The following CLYBL variants were observed in gnomAD, a reference collection of about 807,000 sequenced individuals.
The protein encoded by CLYBL is citramalyl-CoA lyase, mitochondrial.
A neutral mutation model predicts 38.9 loss-of-function variants in CLYBL; 31 were observed. The ratio of observed to expected loss-of-function variants is 0.80; its 90% CI spans 0.60 to 1.08. CLYBL has a LOEUF of 1.08. Ranked by LOEUF, CLYBL falls within the 50% of genes least tolerant of loss-of-function variation. CLYBL has a pLI of 0.00. For synonymous variants in CLYBL, 171 were observed against 158.6 expected (o/e 1.08, Z -0.59); for missense variants, 434 against 411.6 (o/e 1.05, Z -0.47).
chr13:99,901,432 C>T (rs987876214), downstream of CLYBL, among the ~76,000 whole-genome samples: 4 of 151,930 alleles, frequency 2.6e-5, no homozygotes, highest in East Asian at 3.9e-4. Context: ...CAGGACATTC[C>T]GCAATCCTTC....
intron 1 of CLYBL, among the ~76,000 whole-genome samples, chr13:99,747,217 C>T (rs115395917): frequency 0.012 from 1,735 of 146,014 alleles, 40 homozygotes; most frequent in African/African-American, 0.042. Flanking sequence ...CTCTCCCCCC[C>T]GCCCCACCCC....
At chr13:99,881,854 G>A (rs1334008985) in intron 7 of CLYBL, among the ~76,000 whole-genome samples, 1 of 152,150 alleles carries the variant, frequency 6.6e-6, no homozygotes, top group Non-Finnish European at 1.5e-5. Context: ...GACTTAAAAT[G>A]TCACTCATAT....
At chr13:99,741,843 C>T (rs1350612678) in intron 1 of CLYBL, among the ~76,000 whole-genome samples, 1 of 152,164 alleles carries the variant, frequency 6.6e-6, no homozygotes, top group Non-Finnish European at 1.5e-5. Flanking sequence ...CAGAGTTTTA[C>T]AATGAGAGCT....
At position 99,638,267 on chromosome 13, in the gene CLYBL, T is replaced by C. The variant is rs1594095587; in HGVS notation, c.62+31510T>C. Among the ~76,000 whole-genome samples, 4 of 152,332 alleles carry C rather than the reference T, an allele frequency of 2.6e-5. 1 individual carries two copies. The highest frequency in any genetic ancestry group is 2.6e-4 in the Admixed American group (4 of 15,302). On this transcript the variant is annotated intron_variant, in intron 1 of 8. Transcript: ENST00000339105. ...GCCACTGTGCCCAGCTTAATGATGC[T>C]ATTAAACTACACCTGTTAACCTTCT...
chr13:99,693,966 G>A (rs74337291), intron 1 of CLYBL, among the ~76,000 whole-genome samples: 5,924 of 152,230 alleles, frequency 0.039, 148 homozygotes, highest in Non-Finnish European at 0.049. Flanking sequence ...AGGGACAGAT[G>A]GAACAAAAGT....
intron 1 of CLYBL, among the ~76,000 whole-genome samples, chr13:99,674,782 C>T (rs1219311060): frequency 2.0e-5 from 3 of 152,128 alleles, no homozygotes; most frequent in Non-Finnish European, 4.4e-5. Context: ...AGTATATGTC[C>T]TGGGAACCAA....
At chr13:99,742,064 C>T (rs1022517253) in intron 1 of CLYBL, among the ~76,000 whole-genome samples, 1 of 152,292 alleles carries the variant, frequency 6.6e-6, no homozygotes, top group African/African-American at 2.4e-5. Context: ...TGAATGTTCA[C>T]TTGCAATGAG....
intron 1 of CLYBL, among the ~76,000 whole-genome samples, chr13:99,624,156 G>T (rs984512011): frequency 6.6e-6 from 1 of 151,972 alleles, no homozygotes; most frequent in Non-Finnish European, 1.5e-5. Context: ...AGAGCACCCC[G>T]TTCTTCATTG....
At chr13:99,728,207 A>G (rs983071758) in intron 1 of CLYBL, among the ~76,000 whole-genome samples, 1 of 151,988 alleles carries the variant, frequency 6.6e-6, no homozygotes, top group East Asian at 1.9e-4. Flanking sequence ...GAGCCACCAT[A>G]CTGGCCCCCT....
At chr13:99,823,486 C>T (rs756293775) in intron 2 of CLYBL, among the ~76,000 whole-genome samples, 72 of 152,318 alleles carry the variant, frequency 4.7e-4, no homozygotes, top group African/African-American at 1.3e-3. Context: ...CTCCATGAGC[C>T]GCTGGCAACC....
chr13:99,806,733 A>G (rs997403722), intron 2 of CLYBL, among the ~76,000 whole-genome samples: 8 of 152,208 alleles, frequency 5.3e-5, no homozygotes, highest in Non-Finnish European at 7.3e-5. Flanking sequence ...CACTGTTATT[A>G]TGTAGAGCCA....
chr13:99,612,469 C>G (rs1011353426), intron 1 of CLYBL, among the ~76,000 whole-genome samples: 5 of 147,368 alleles, frequency 3.4e-5, no homozygotes, highest in African/African-American at 1.2e-4. Flanking sequence ...CTCACTGCAA[C>G]CTCCACATTC....
At chr13:99,757,237 TAAATA>T (rs202119795) in intron 1 of CLYBL, among the ~76,000 whole-genome samples, 2,918 of 152,268 alleles carry the variant, frequency 0.019, 49 homozygotes, top group South Asian at 0.048. Context: ...TACTTTTCTT[TAAATA>T]TAGATTTTTT....
At chr13:99,767,157 G>A (rs574972164) in intron 1 of CLYBL, among the ~76,000 whole-genome samples, 1 of 152,326 alleles carries the variant, frequency 6.6e-6, no homozygotes. Context: ...TGCATGCCTG[G>A]TGATCGGCAT....
At chr13:99,717,436 G>GAAAAAAAAAAAAAAAAAAAAAAA in intron 1 of CLYBL, among the ~76,000 whole-genome samples, 1 of 91,084 alleles carries the variant, frequency 1.1e-5, no homozygotes, top group Non-Finnish European at 2.1e-5. Flanking sequence ...AAAAAAATTA[G>GAAAAAAAAAAAAAAAAAAAAAAA]AAAAAAAAAA....
At chr13:99,622,803 AATT>A (rs59799012) in intron 1 of CLYBL, among the ~76,000 whole-genome samples, 103,998 of 151,550 alleles carry the variant, frequency 0.69, 36,333 homozygotes, top group Middle Eastern at 0.83. Flanking sequence ...TTATTTTTTA[AATT>A]AAATTTAATT....
At chr13:99,717,057 C>G (rs560209338) in intron 1 of CLYBL, among the ~76,000 whole-genome samples, 97 of 152,072 alleles carry the variant, frequency 6.4e-4, no homozygotes, top group African/African-American at 2.1e-3. Flanking sequence ...TCGCAAAGAG[C>G]TGGGATTACA....
At chr13:99,624,664 T>G (rs1217752429) in intron 1 of CLYBL, among the ~76,000 whole-genome samples, 1 of 152,196 alleles carries the variant, frequency 6.6e-6, no homozygotes, top group Non-Finnish European at 1.5e-5. Flanking sequence ...TGAATGTGGC[T>G]TTACCCCAGC....
intron 1 of CLYBL, among the ~76,000 whole-genome samples, chr13:99,658,347 G>T (rs1594105270): frequency 6.6e-6 from 1 of 152,364 alleles, no homozygotes; most frequent in South Asian, 2.1e-4. Flanking sequence ...CCCACTGCTG[G>T]AGAGACCGCG....
Sources: allele counts gnomAD v4.1 joint callset (sites outside exome capture counted in the v4.1 genomes callset), GRCh38; gene constraint gnomAD v4.1.1; transcripts MANE v1.5; gene names NCBI Gene and HGNC (gene_info 2026-07-23, HGNC 2026-07-21).